Variants in DNMBP observed in about 807,000 individuals in gnomAD.
DNMBP encodes dynamin-binding protein.
A neutral mutation model predicts 150.0 loss-of-function variants in DNMBP; 87 were observed. That is an observed-to-expected ratio of 0.58 (90% CI 0.49 to 0.69). The LOEUF (loss-of-function observed/expected upper bound fraction) is 0.69. DNMBP is among the 30% of genes least tolerant of loss of function. DNMBP has a pLI of 0.00. For synonymous variants in DNMBP, 711 were observed against 750.4 expected (o/e 0.95, Z 0.86); for missense variants, 1,774 against 1,949.0 (o/e 0.91, Z 1.69).
chr10:99,957,416 T>G (rs749178502), intron 3 of DNMBP: 52 of 591,208 alleles, frequency 8.8e-5, no homozygotes, highest in Non-Finnish European at 1.5e-4. Flanking sequence ...ACCCTACAGG[T>G]GGGTCTCCAA....
chr10:99,935,622 T>A (rs1243587991), intron 4 of DNMBP, among the ~76,000 whole-genome samples: 1 of 152,276 alleles, frequency 6.6e-6, no homozygotes, highest in African/African-American at 2.4e-5. Flanking sequence ...TGGAGTGCAA[T>A]GGTGCAACCT....
intron 12 of DNMBP, among the ~76,000 whole-genome samples, chr10:99,887,093 A>AG (rs535444632): frequency 1.4e-5 from 2 of 145,256 alleles, no homozygotes; most frequent in Non-Finnish European, 3.0e-5. Context: ...GGTAATACCC[A>AG]TTTTTTTTTT....
rs549386780 is a variant in DNMBP, at chr10:99,980,361, C to A, written c.-10-8227G>T. 2.6e-5 allele frequency among the ~76,000 whole-genome samples: 4 copies of A among 151,316 alleles called. No individual in the cohort carries two copies. In the East Asian group the frequency reaches 7.8e-4, roughly 29 times the overall value. ...ACTCAAGAGGCTGAGGCAGGAGAAT[C>A]GTTTGAACCCAGAAGGCAGAGGTTG... is the stretch of plus-strand genomic sequence containing the variant. On this transcript the variant is annotated intron_variant, in intron 1 of 16. Transcript: ENST00000324109.
intron 16 of DNMBP, among the ~76,000 whole-genome samples, chr10:99,879,245 A>G (rs530038124): frequency 6.6e-6 from 1 of 152,258 alleles, no homozygotes; most frequent in African/African-American, 2.4e-5. Flanking sequence ...TGGGCGGATC[A>G]CTTGAGGCCA....
intron 8 of DNMBP, 118 bp from the exon 9 acceptor site, chr10:99,898,403 C>T (rs542500971): frequency 1.3e-5 from 10 of 791,124 alleles, no homozygotes; most frequent in South Asian, 4.4e-5. Flanking sequence ...TAATGTACAC[C>T]TATGGGCAGG....
intron 6 of DNMBP, among the ~76,000 whole-genome samples, chr10:99,906,640 C>T (rs1333811744): frequency 6.6e-6 from 1 of 152,146 alleles, no homozygotes; most frequent in Non-Finnish European, 1.5e-5. Flanking sequence ...ACTCATGCCA[C>T]GTCGTGAGGA....
In DNMBP at chr10:99,977,270, C is replaced by A. The variant is rs1012770870; in HGVS notation, c.-10-5136G>T. Among the ~76,000 whole-genome samples, 3 of 152,228 alleles carry A rather than the reference C, an allele frequency of 2.0e-5. No individual in the cohort carries two copies. In the South Asian group the frequency reaches 6.2e-4, roughly 32 times the overall value. On this transcript the variant is annotated intron_variant, in intron 1 of 16. Coordinates refer to ENST00000324109, the MANE Select transcript of DNMBP (RefSeq NM_015221.4). ...GTATGTATAATATGACGAATCTCATCTGTCTTCTCTGCCCTGTATACCCTA... is the reference window on the plus strand; with the variant it reads ...GTATGTATAATATGACGAATCTCATATGTCTTCTCTGCCCTGTATACCCTA...
At chr10:99,896,919 G>A (rs1345029770) in intron 9 of DNMBP, among the ~76,000 whole-genome samples, 2 of 152,130 alleles carry the variant, frequency 1.3e-5, no homozygotes, top group Non-Finnish European at 2.9e-5. Flanking sequence ...GGGAAGACTG[G>A]GAGGCAGCAA....
Position 99,969,124 on chromosome 10 carries a change from G to C in DNMBP, c.259C>G (p.Leu87Val). ...TTGATGAGCAGCTTACCTCGATGGA[G>C]GGGAAGATTATCCAACTCTTGGGAT... ...FTSQELDNLP[L>V]HRGDLVILDG... The change falls in exon 3 of 17, where the codon CTC becomes GTC. Residue 87 changes from leucine (L) to valine (V), a missense_variant. Transcript: ENST00000324109. The C allele has an allele frequency of 6.2e-7, 1 of 1,614,068 alleles. No individual in the cohort carries two copies. The highest frequency in any genetic ancestry group is 8.5e-7 in the Non-Finnish European group (1 of 1,179,986).
Position 99,956,813 on chromosome 10 carries a change from T to C in DNMBP, c.661A>G (p.Ile221Val), listed in dbSNP as rs768977615. 3.1e-6 allele frequency: 5 copies of C among 1,614,032 alleles called. 1 individual carries two copies. The highest frequency in any genetic ancestry group is 3.4e-6 in the Non-Finnish European group (4 of 1,180,026). Residue 221 changes from isoleucine to valine, a missense_variant, in exon 4 of 17, where the codon ATT becomes GTT. Physicochemically the swap from Ile to Val is conservative, Grantham distance 29. This residue lies in a region of DNMBP where 344 missense variants were observed against 456.6 expected (regional missense o/e 0.75). Transcript: ENST00000324109. ...GGGGTATCTACTTCACCATTAACAA[T>C]GCAGTCATCTTGATTTCCAGAACTT... is the stretch of plus-strand genomic sequence containing the variant. ...SVSSGNQDDC[I>V]VNGEVDTPVG... is the part of the protein sequence containing the mutation.
At chr10:99,987,974 T>A (rs1490797789) in intron 1 of DNMBP, among the ~76,000 whole-genome samples, 1 of 152,156 alleles carries the variant, frequency 6.6e-6, no homozygotes, top group Non-Finnish European at 1.5e-5. Flanking sequence ...TGCGGGGCCA[T>A]CTAGGCAGTT....
At chr10:99,950,024 G>A (rs1469122891) in intron 4 of DNMBP, among the ~76,000 whole-genome samples, 2 of 152,188 alleles carry the variant, frequency 1.3e-5, no homozygotes, top group Non-Finnish European at 1.5e-5. Context: ...GTTTGGCTGT[G>A]TCCCCACCCA....
At chr10:99,951,810 G>GC (rs1564743204) in intron 4 of DNMBP, among the ~76,000 whole-genome samples, 63 of 152,304 alleles carry the variant, frequency 4.1e-4, no homozygotes, top group African/African-American at 1.3e-3. Flanking sequence ...CAGATGAGAC[G>GC]TCGAACTGTG....
chr10:99,906,228 T>C (rs908329448), intron 6 of DNMBP, among the ~76,000 whole-genome samples: 1 of 152,148 alleles, frequency 6.6e-6, no homozygotes, highest in African/African-American at 2.4e-5. Context: ...CCCATTCCCC[T>C]TTCTAGCCAT....
intron 11 of DNMBP, 192 bp from the exon 12 acceptor site, chr10:99,889,145 A>G: frequency 1.7e-6 from 1 of 583,756 alleles, no homozygotes; most frequent in Non-Finnish European, 2.9e-6. Context: ...GAGAAAGGCT[A>G]AGACTTTTAA....
chr10:99,933,720 C>T (rs1202595448), intron 4 of DNMBP, among the ~76,000 whole-genome samples: 4 of 152,246 alleles, frequency 2.6e-5, no homozygotes, highest in Non-Finnish European at 5.9e-5. Context: ...GGGGAAAAAT[C>T]ACTTGTTGTT....
chr10:99,951,813 G>A (rs767971921), intron 4 of DNMBP, among the ~76,000 whole-genome samples: 3 of 152,030 alleles, frequency 2.0e-5, no homozygotes, highest in South Asian at 2.1e-4. Flanking sequence ...ATGAGACGTC[G>A]AACTGTGGAC....
intron 1 of DNMBP, among the ~76,000 whole-genome samples, chr10:99,999,625 G>C (rs1426731291): frequency 6.6e-6 from 1 of 152,130 alleles, no homozygotes; most frequent in African/African-American, 2.4e-5. Flanking sequence ...TTACAATATA[G>C]TGTTATAAGT....
chr10:99,958,472 T>C (rs1022567277), intron 3 of DNMBP: 1 of 152,224 alleles, frequency 6.6e-6, no homozygotes, highest in African/African-American at 2.4e-5. Context: ...AACAGACAAC[T>C]ATGTTTATTC....
Sources: gnomAD v4.1 joint callset for allele counts (sites outside exome capture counted in the v4.1 genomes callset) on GRCh38, gnomAD v4.1.1 for gene constraint, gnomAD v4.1.1 regional missense constraint, MANE v1.5 for transcripts, NCBI Gene and HGNC (gene_info 2026-07-23, HGNC 2026-07-21) for gene names.